The following SYN3 variants were observed in gnomAD, a reference collection of about 807,000 sequenced individuals.
SYN3 encodes the protein synapsin III, also known as synapsin-3.
Under a neutral mutation model 65.8 loss-of-function variants are expected in SYN3, and 35 were observed. The observed-to-expected ratio is 0.53, with a 90% CI of 0.41 to 0.70. The LOEUF is 0.70. SYN3 is among the 30% of genes least tolerant of loss of function. The pLI is 0.00. For missense variants in SYN3, 680 were observed against 749.0 expected (o/e 0.91, Z 1.08); for synonymous variants, 270 against 292.9 (o/e 0.92, Z 0.80).
At chr22:32,517,941 G>C in intron 13 of SYN3, 102 bp downstream of exon 13, 1 of 1,293,742 alleles carries the variant, frequency 7.7e-7, no homozygotes, top group Non-Finnish European at 1.0e-6. Flanking sequence ...GCAAGGCCTC[G>C]TTGGGTCTTC....
At chr22:32,865,892 A>T (rs1051636291) in intron 5 of SYN3, among the ~76,000 whole-genome samples, 8 of 152,108 alleles carry the variant, frequency 5.3e-5, no homozygotes, top group Admixed American at 2.0e-4. Context: ...GGGAGTCAGG[A>T]TGATCCCCTG....
At chr22:32,997,035 G>A (rs2052900796) in intron 2 of SYN3, among the ~76,000 whole-genome samples, 1 of 152,238 alleles carries the variant, frequency 6.6e-6, no homozygotes. Flanking sequence ...ACCCTCAGGA[G>A]CAGTAGAGGA....
At chr22:32,543,094 C>G (rs1425413018) in intron 7 of SYN3, among the ~76,000 whole-genome samples, 1 of 152,152 alleles carries the variant, frequency 6.6e-6, no homozygotes, top group Non-Finnish European at 1.5e-5. Flanking sequence ...CCTCTCAGCC[C>G]TTTTCTGCCT....
intron 4 of SYN3, among the ~76,000 whole-genome samples, chr22:32,896,044 G>GA (rs2049583882): frequency 6.6e-6 from 1 of 152,178 alleles, no homozygotes; most frequent in Admixed American, 6.5e-5. Flanking sequence ...CTAAGAACTA[G>GA]ACATAGGTCA....
chr22:32,538,913 C>T (rs1001960941), intron 8 of SYN3, among the ~76,000 whole-genome samples: 1 of 152,090 alleles, frequency 6.6e-6, no homozygotes. Flanking sequence ...AACTTCATCC[C>T]CTGTATACCC....
At chr22:33,012,550 C>T (rs568662741) in intron 1 of SYN3, among the ~76,000 whole-genome samples, 1 of 152,336 alleles carries the variant, frequency 6.6e-6, no homozygotes, top group East Asian at 1.9e-4. Context: ...AGCTGACACT[C>T]CCATGGTGAC....
chr22:32,940,452 T>G (rs770553755), intron 3 of SYN3, among the ~76,000 whole-genome samples: 6 of 152,184 alleles, frequency 3.9e-5, no homozygotes, highest in East Asian at 1.9e-4. Context: ...CCCAAGGTCA[T>G]GTAGGCACTC....
At chr22:32,612,785 T>G (rs1569090816) in intron 6 of SYN3, among the ~76,000 whole-genome samples, 1 of 152,108 alleles carries the variant, frequency 6.6e-6, no homozygotes, top group Non-Finnish European at 1.5e-5. Flanking sequence ...GAGGCTGCAG[T>G]GAGCAGCTGC....
chr22:32,791,873 C>G (rs2046331174), intron 6 of SYN3, among the ~76,000 whole-genome samples: 2 of 152,112 alleles, frequency 1.3e-5, no homozygotes, highest in South Asian at 4.1e-4. Flanking sequence ...TTATGACTAT[C>G]AAATTTTTTT....
At chr22:32,788,379 A>G (rs2046243789) in intron 6 of SYN3, among the ~76,000 whole-genome samples, 1 of 152,050 alleles carries the variant, frequency 6.6e-6, no homozygotes, top group Non-Finnish European at 1.5e-5. Context: ...ATCTCTACTA[A>G]AAATACAAAA....
Position 32,832,820 on chromosome 22 carries a change from T to C in SYN3, c.711+32095A>G, listed in dbSNP as rs114058750. On this transcript the variant is annotated intron_variant, in intron 6 of 13. Transcript: ENST00000358763. ...CTGGCTTCCTGCAGCCTCAACTTCCTAGGCTCAAGTGATCCGTTTCCCTCA... is the reference window on the plus strand; with the variant it reads ...CTGGCTTCCTGCAGCCTCAACTTCCCAGGCTCAAGTGATCCGTTTCCCTCA... Among the ~76,000 whole-genome samples the C allele has an allele frequency of 9.7e-3, 1,480 of 152,208 alleles. 25 individuals carry two copies. The highest frequency in any genetic ancestry group is 0.033 in the African/African-American group (1,385 of 41,522).
In SYN3 at chr22:32,513,656, T is replaced by TA; in HGVS notation, c.*35dup. The TA allele has an allele frequency of 1.2e-6, 2 of 1,610,302 alleles. No homozygotes were observed. The highest frequency in any genetic ancestry group is 1.7e-6 in the Non-Finnish European group (2 of 1,177,668). ...AGATGAGGCAGGAGGGGGACGAGTGTAGCAGAGCACTCTTCCCCTCCCAGC... is the reference window on the plus strand; with the variant it reads ...AGATGAGGCAGGAGGGGGACGAGTGTAAGCAGAGCACTCTTCCCCTCCCAGC... On this transcript the variant is annotated 3_prime_UTR_variant, in exon 14 of 14. Coordinates refer to ENST00000358763, the MANE Select transcript of SYN3 (RefSeq NM_003490.4).
intron 1 of SYN3, among the ~76,000 whole-genome samples, chr22:33,053,379 C>A (rs539511521): frequency 6.6e-6 from 1 of 152,028 alleles, no homozygotes; most frequent in Non-Finnish European, 1.5e-5. Flanking sequence ...GCCAAGATCA[C>A]GCCATTGCAC....
At chr22:32,654,611 T>C (rs1006627918) in intron 6 of SYN3, among the ~76,000 whole-genome samples, 5 of 152,178 alleles carry the variant, frequency 3.3e-5, no homozygotes, top group African/African-American at 4.8e-5. Flanking sequence ...CTCATTCATG[T>C]CCATATCCAG....
chr22:32,693,601 T>C (rs1361634435), intron 6 of SYN3, among the ~76,000 whole-genome samples: 3 of 141,186 alleles, frequency 2.1e-5, no homozygotes, highest in African/African-American at 8.3e-5. Context: ...TGTTTTTTTT[T>C]TTTTTTTTTT....
At chr22:32,887,441 C>T (rs1177984824) in intron 4 of SYN3, among the ~76,000 whole-genome samples, 1 of 152,006 alleles carries the variant, frequency 6.6e-6, no homozygotes, top group Admixed American at 6.6e-5. Context: ...AGCCAAGGCC[C>T]TTAATCTCAC....
At chr22:32,639,264 A>G (rs57751077) in intron 6 of SYN3, among the ~76,000 whole-genome samples, 11,701 of 151,824 alleles carry the variant, frequency 0.077, 657 homozygotes, top group African/African-American at 0.15. Flanking sequence ...ATTTTGGTTA[A>G]TTTTTTTACA....
rs1304753507 is a variant in SYN3, at chr22:32,669,973, C to A, written c.712-73237G>T. 3.9e-5 allele frequency among the ~76,000 whole-genome samples: 6 copies of A among 152,296 alleles called. No individual in the cohort carries two copies. The East Asian group carries it at 9.7e-4, about 25-fold the overall frequency. Reference sequence around the variant, plus strand: ...CTGAGAATGCAATGAAAGCAACAAGCTAGAAGGAGCTTGACTCCCTGAGGT... The same window carrying A: ...CTGAGAATGCAATGAAAGCAACAAGATAGAAGGAGCTTGACTCCCTGAGGT... On this transcript the variant is annotated intron_variant, in intron 6 of 13. Transcript: ENST00000358763.
chr22:32,682,968 C>A (rs971480045), intron 6 of SYN3, among the ~76,000 whole-genome samples: 1 of 152,162 alleles, frequency 6.6e-6, no homozygotes, highest in Admixed American at 6.5e-5. Context: ...CACCTGAAGC[C>A]AGGCACCTGT....
Sources: allele counts gnomAD v4.1 joint callset (sites outside exome capture counted in the v4.1 genomes callset), GRCh38; gene constraint gnomAD v4.1.1; transcripts MANE v1.5; gene names NCBI Gene and HGNC (gene_info 2026-07-23, HGNC 2026-07-21).